ACSM3: variants seen among roughly 807,000 people sequenced by gnomAD.
The protein encoded by ACSM3 is acyl-coenzyme A synthetase ACSM3, mitochondrial.
ACSM3 carries 61 observed loss-of-function variants against 74.1 expected under a neutral mutation model. The ratio of observed to expected loss-of-function variants is 0.82; its 90% CI spans 0.67 to 1.02. The LOEUF (loss-of-function observed/expected upper bound fraction) is 1.02, where lower values mean the gene tolerates loss of function less well. ACSM3 is among the 50% of genes least tolerant of loss of function. ACSM3 has a pLI of 0.00. For missense variants in ACSM3, 660 were observed against 697.0 expected, an observed-to-expected ratio of 0.95 and a Z score of 0.60; for synonymous variants, 213 against 241.5, an observed-to-expected ratio of 0.88 and a Z score of 1.09.
chr16:20,763,776 C>T (rs1408332439), upstream of ACSM3: 2 of 152,128 alleles, frequency 1.3e-5, no homozygotes, highest in African/African-American at 2.4e-5. Context: ...TCTCTCTGCC[C>T]CTTTACAGAA....
chr16:20,781,925 C>T (rs1596524503), intron 7 of ACSM3, 138 bp downstream of exon 7: 2 of 643,842 alleles, frequency 3.1e-6, no homozygotes, highest in Admixed American at 5.8e-5. Context: ...TCCTCTTTCT[C>T]CTTCTTGCCT....
At chr16:20,726,454 C>G (rs972433770) in intron 1 of ACSM3, among the ~76,000 whole-genome samples, 1 of 152,210 alleles carries the variant, frequency 6.6e-6, no homozygotes, top group Non-Finnish European at 1.5e-5. Flanking sequence ...TTCTCTTTCC[C>G]TAGTCAGTGT....
intron 12 of ACSM3, among the ~76,000 whole-genome samples, chr16:20,795,059 A>G (rs1032526745): frequency 2.6e-5 from 4 of 152,268 alleles, no homozygotes; most frequent in African/African-American, 9.6e-5. Context: ...CAGAGCTAGC[A>G]TAACTACAAA....
At chr16:20,768,503 C>T (rs1291918179) in intron 1 of ACSM3, among the ~76,000 whole-genome samples, 2 of 152,324 alleles carry the variant, frequency 1.3e-5, no homozygotes, top group East Asian at 3.9e-4. Flanking sequence ...GTTCACAAAT[C>T]ACAGCCTCTA....
At chr16:20,682,105 T>C in intron 1 of ACSM3, 1 of 712,052 alleles carries the variant, frequency 1.4e-6, no homozygotes, top group Non-Finnish European at 2.3e-6. Context: ...TGACTCTTTG[T>C]TCAGGGCTCA....
rs557036105 is a variant in ACSM3 at position 20,770,067 on chromosome 16, T to C, written c.33T>C (p.Arg11=). Residue 11 remains arginine, a synonymous_variant, in exon 2 of 14, where the codon CGT becomes CGC. Transcript: ENST00000289416. ...CTCGTGTCACCAGGAAGATGCTACG[T>C]CATGCCAAGTGTTTTCAGCGCCTAG... MLARVTRKML[R]HAKCFQRLAI... 6.2e-7 allele frequency: 1 copy of C among 1,614,152 alleles called. No individual in the cohort carries two copies. Among genetic ancestry groups the C allele is most frequent in the Non-Finnish European group, 8.5e-7 (1 of 1,180,006 alleles).
chr16:20,781,557 T>C (rs1424813730), intron 6 of ACSM3, 151 bp from the exon 7 acceptor site: 7 of 710,544 alleles, frequency 9.9e-6, no homozygotes, highest in Non-Finnish European at 1.7e-5. Context: ...GAACCAATCC[T>C]GCAGACACTG....
chr16:20,797,355 A>G lies in ACSM3; in HGVS notation c.*383A>G. ...ATGTTCAAGCCTGAAATAAAACTAA[A>G]GAACTTATAAAAGTTTTTAGAAAAA... On this transcript the variant is annotated 3_prime_UTR_variant, in exon 14 of 14. Transcript: ENST00000289416. 2.0e-6 allele frequency: 2 copies of G among 997,984 alleles called. No homozygotes were observed. The highest frequency in any genetic ancestry group is 2.4e-6 in the Non-Finnish European group (2 of 836,540). 61.8% of individuals were successfully genotyped at this position (997,984 alleles called of 1,614,324 possible). A position where few individuals can be genotyped will look rare whatever the true frequency, so the allele number is the denominator to read the frequency against.
At chr16:20,686,971 T>C (rs2079564498) in intron 1 of ACSM3, among the ~76,000 whole-genome samples, 1 of 143,896 alleles carries the variant, frequency 6.9e-6, no homozygotes, top group Non-Finnish European at 1.5e-5. Context: ...TGGTAGAAAA[T>C]TTTGTGATTT....
chr16:20,794,926 G>A (rs1859538276), intron 12 of ACSM3, among the ~76,000 whole-genome samples: 1 of 152,170 alleles, frequency 6.6e-6, no homozygotes, highest in South Asian at 2.1e-4. Flanking sequence ...AGATAAAAGA[G>A]ACTATCCAAG....
At chr16:20,717,324 CTTAGA>C (rs1462285230) in intron 1 of ACSM3, among the ~76,000 whole-genome samples, 2 of 152,154 alleles carry the variant, frequency 1.3e-5, no homozygotes, top group East Asian at 1.9e-4. Context: ...CTGTGACTTG[CTTAGA>C]TTAATCAAGC....
chr16:20,772,606 T>G (rs924990793), intron 2 of ACSM3, among the ~76,000 whole-genome samples: 18 of 152,314 alleles, frequency 1.2e-4, no homozygotes, highest in Non-Finnish European at 5.9e-5. Context: ...GACCATGTAC[T>G]GAAGAGGATA....
chr16:20,775,801 A>C, intron 2 of ACSM3, 38 bp from the exon 3 acceptor site: 12 of 1,606,674 alleles, frequency 7.5e-6, no homozygotes, highest in Non-Finnish European at 1.0e-5. Context: ...TAGCTGTATA[A>C]CAACCTTTAA....
intron 9 of ACSM3, 48 bp downstream of exon 9, chr16:20,786,206 A>G: frequency 6.3e-7 from 1 of 1,591,540 alleles, no homozygotes; most frequent in Non-Finnish European, 8.6e-7. Context: ...CAATCTGTAC[A>G]CTACCTACCT....
At chr16:20,739,339 C>A (rs898388878) in intron 1 of ACSM3, among the ~76,000 whole-genome samples, 4 of 151,976 alleles carry the variant, frequency 2.6e-5, no homozygotes, top group African/African-American at 9.7e-5. Context: ...CTACACACAG[C>A]TAATTTTTGT....
rs115218001 is a variant in ACSM3, at chr16:20,743,273, C to T, written c.-189-6637C>T. Among the ~76,000 whole-genome samples the T allele has an allele frequency of 2.5e-3, 385 of 152,108 alleles. 1 individual carries two copies. The highest frequency in any genetic ancestry group is 8.8e-3 in the African/African-American group (366 of 41,494). ...TTGTTTTTTCCCCTCGCGCATTTCCCACATAGAACAGTTACTCAAAAGGCT... is the reference window on the plus strand; with the variant it reads ...TTGTTTTTTCCCCTCGCGCATTTCCTACATAGAACAGTTACTCAAAAGGCT... On this transcript the variant is annotated intron_variant, in intron 1 of 3. Coordinates refer to the ACSM3 transcript ENST00000561584.
intron 1 of ACSM3, chr16:20,727,240 C>G (rs1250948781): frequency 2.4e-6 from 1 of 421,332 alleles, no homozygotes; most frequent in Non-Finnish European, 4.6e-6. Context: ...CTAAGACTTG[C>G]CTCTCCTAGC....
chr16:20,741,481 G>GGGGGGGGGGGCCCCCCCCCCCCCCCCCCC, intron 1 of ACSM3: 3 of 1,308,408 alleles, frequency 2.3e-6, no homozygotes, highest in African/African-American at 1.5e-5. Flanking sequence ...CTGGCAGCCG[G>GGGGGGGGGGGCCCCCCCCCCCCCCCCCCC]CCCGCCCGCC....
chr16:20,683,727 T>TTCTC (rs1363980699), intron 1 of ACSM3, among the ~76,000 whole-genome samples: 3 of 150,618 alleles, frequency 2.0e-5, no homozygotes, highest in Non-Finnish European at 4.4e-5. Context: ...CTTTCTTTCT[T>TTCTC]TCTTTCTTTC....
Sources: allele counts gnomAD v4.1 joint callset (sites outside exome capture counted in the v4.1 genomes callset), GRCh38; gene constraint gnomAD v4.1.1; transcripts MANE v1.5; gene names NCBI Gene and HGNC (gene_info 2026-07-23, HGNC 2026-07-21).